IL1R1: variants seen among roughly 807,000 people sequenced by gnomAD.
The protein encoded by IL1R1 is interleukin 1 receptor type 1, also known as interleukin-1 receptor type 1.
IL1R1 carries 22 observed loss-of-function variants against 50.2 expected under a neutral mutation model. The ratio of observed to expected loss-of-function variants is 0.44; its 90% CI spans 0.31 to 0.63. The LOEUF (loss-of-function observed/expected upper bound fraction) is 0.63, where lower values mean the gene tolerates loss of function less well. IL1R1 is among the 20% of genes least tolerant of loss of function. The probability of loss-of-function intolerance (pLI) is 0.07; values close to 1 mark genes in which losing one functional copy is unlikely to be tolerated. For synonymous variants in IL1R1, 251 were observed against 236.7 expected (o/e 1.06, Z -0.55); for missense variants, 509 against 676.2 (o/e 0.75, Z 2.74).
rs79167328 is a variant in IL1R1, at chr2:102,168,210, G to A, written c.656-388G>A. ...TCATTAACACAGTCATTAAATGCAA[G>A]CAGGTCTAGTATTGACTAGCCCTTC... On this transcript the variant is annotated intron_variant, in intron 6 of 11. Coordinates refer to ENST00000410023, the MANE Select transcript of IL1R1 (RefSeq NM_000877.4). Among the ~76,000 whole-genome samples the A allele has an allele frequency of 9.1e-4, 138 of 152,306 alleles. No homozygotes were observed. In the East Asian group the frequency reaches 0.024, roughly 26 times the overall value.
At chr2:102,120,957 A>G (rs1445485259) in intron 1 of IL1R1, among the ~76,000 whole-genome samples, 1 of 152,166 alleles carries the variant, frequency 6.6e-6, no homozygotes, top group Non-Finnish European at 1.5e-5. Context: ...GATGTCTGTC[A>G]CAGTTCACTC....
intron 1 of IL1R1, among the ~76,000 whole-genome samples, chr2:102,137,637 T>C (rs971653266): frequency 2.0e-5 from 3 of 152,222 alleles, no homozygotes; most frequent in African/African-American, 4.8e-5. Context: ...GAAAGGCTTT[T>C]TATGATTGAG....
chr2:102,127,503 A>C (rs1279131793), intron 1 of IL1R1, among the ~76,000 whole-genome samples: 1 of 152,220 alleles, frequency 6.6e-6, no homozygotes. Context: ...TGTATAAAAC[A>C]GACCAAAACC....
chr2:102,137,793 T>C (rs76165989), upstream of IL1R1, among the ~76,000 whole-genome samples: 560 of 152,342 alleles, frequency 3.7e-3, 4 homozygotes, highest in African/African-American at 0.013. Flanking sequence ...CAGTTATCTT[T>C]AGTTTACCAC....
chr2:102,148,981 C>T (rs10208708), intron 1 of IL1R1, among the ~76,000 whole-genome samples: 85 of 147,568 alleles, frequency 5.8e-4, no homozygotes, highest in Non-Finnish European at 9.2e-4. Flanking sequence ...AACAAACAAA[C>T]GGGTAACAGG....
intron 1 of IL1R1, among the ~76,000 whole-genome samples, chr2:102,151,664 C>T (rs796539875): frequency 1.2e-4 from 18 of 152,358 alleles, no homozygotes; most frequent in East Asian, 1.9e-4. Context: ...CAAGGCACCT[C>T]GGTGCATTGC....
intron 1 of IL1R1, among the ~76,000 whole-genome samples, chr2:102,108,307 G>A (rs1419562352): frequency 2.0e-5 from 3 of 152,030 alleles, no homozygotes; most frequent in Non-Finnish European, 4.4e-5. Flanking sequence ...AGTGTTTAGT[G>A]TGTTACAGCA....
intron 9 of IL1R1, among the ~76,000 whole-genome samples, chr2:102,174,151 G>C (rs1023697838): frequency 6.6e-6 from 1 of 152,042 alleles, no homozygotes. Context: ...GGATAACTAA[G>C]TAGAGAAGGA....
chr2:102,138,768 A>G (rs1304313475), upstream of IL1R1, among the ~76,000 whole-genome samples: 1 of 152,228 alleles, frequency 6.6e-6, no homozygotes, highest in Non-Finnish European at 1.5e-5. Context: ...AGTGGTTTCC[A>G]ATCTTTGTTG....
chr2:102,174,464 C>G, intron 9 of IL1R1, 123 bp from the exon 10 acceptor site: 2 of 627,504 alleles, frequency 3.2e-6, no homozygotes, highest in South Asian at 2.3e-5. Context: ...TTAATATTGT[C>G]TGAATGCAGG....
chr2:102,156,643 C>T (rs752279716), intron 2 of IL1R1, among the ~76,000 whole-genome samples: 34 of 152,186 alleles, frequency 2.2e-4, no homozygotes, highest in Non-Finnish European at 3.4e-4. Flanking sequence ...TCCCCAGTGG[C>T]TGGGATTACA....
chr2:102,175,442 C>T (rs1308566729), intron 10 of IL1R1, 36 bp from the exon 11 acceptor site: 3 of 1,524,126 alleles, frequency 2.0e-6, no homozygotes, highest in Admixed American at 1.7e-5. Flanking sequence ...CTTATTTTTG[C>T]CTTGTGGTTC....
intron 1 of IL1R1, among the ~76,000 whole-genome samples, chr2:102,113,338 G>A (rs1680882885): frequency 6.6e-6 from 1 of 152,208 alleles, no homozygotes; most frequent in Non-Finnish European, 1.5e-5. Flanking sequence ...AGCGGTGAAT[G>A]TACTTGTAAG....
chr2:102,092,769 A>G (rs1362720518), intron 1 of IL1R1, among the ~76,000 whole-genome samples: 1 of 152,130 alleles, frequency 6.6e-6, no homozygotes, highest in Admixed American at 6.5e-5. Flanking sequence ...GGGCAGCAAG[A>G]GAAGAAAGGA....
At chr2:102,079,553 G>A (rs1679118078) in intron 1 of IL1R1, among the ~76,000 whole-genome samples, 1 of 152,054 alleles carries the variant, frequency 6.6e-6, no homozygotes, top group African/African-American at 2.4e-5. Context: ...TATAAGACTT[G>A]TACACTAAAA....
intron 7 of IL1R1, among the ~76,000 whole-genome samples, chr2:102,171,240 A>G (rs1276371162): frequency 6.6e-6 from 1 of 152,214 alleles, no homozygotes; most frequent in Non-Finnish European, 1.5e-5. Context: ...AACACTTGTT[A>G]TCTGGTGGTT....
Position 102,136,346 on chromosome 2 carries a change from GT to G in IL1R1, c.-83-17594del, listed in dbSNP as rs536578972. On this transcript the variant is annotated intron_variant, in intron 1 of 10. Coordinates refer to the IL1R1 transcript ENST00000409329. ...GCAGAGAACTTTCCTAGCTCCCATT[GT>G]CCCTCAGGGCAATCATGGATAACAG... Among the ~76,000 whole-genome samples, 13 of 148,732 alleles carry G rather than the reference GT, an allele frequency of 8.7e-5. No individual in the cohort carries two copies. The South Asian group carries it at 2.8e-3, about 32-fold the overall frequency.
chr2:102,116,082 T>C (rs1681054653), intron 1 of IL1R1, among the ~76,000 whole-genome samples: 1 of 152,246 alleles, frequency 6.6e-6, no homozygotes, highest in Non-Finnish European at 1.5e-5. Flanking sequence ...CCATGTAGGT[T>C]GCATAGTTGC....
chr2:102,174,681 C>T lies in IL1R1; in HGVS notation c.1086C>T (p.Asp362=), dbSNP rs1224346889. ...SVFIYKIFKI[D]IVLWYRDSCY... is the part of the protein sequence containing the mutation. ...TCATCTATAAAATCTTCAAGATTGA[C>T]ATTGTGCTTTGGTACAGGGATTCCT... Residue 362 remains aspartate, a synonymous_variant, in exon 10 of 12, where the codon GAC becomes GAT. Coordinates refer to ENST00000410023, the MANE Select transcript of IL1R1 (RefSeq NM_000877.4). 1 of 1,611,866 alleles carries T rather than the reference C, an allele frequency of 6.2e-7. No homozygotes were observed. Among genetic ancestry groups the T allele is most frequent in the Non-Finnish European group, 8.5e-7 (1 of 1,179,010 alleles).
Sources: gnomAD v4.1 joint callset for allele counts (sites outside exome capture counted in the v4.1 genomes callset) on GRCh38, gnomAD v4.1.1 for gene constraint, MANE v1.5 for transcripts, NCBI Gene and HGNC (gene_info 2026-07-23, HGNC 2026-07-21) for gene names.